The following RAB27A variants were observed in gnomAD, a reference collection of about 807,000 sequenced individuals.
The protein encoded by RAB27A is RAB27A, member RAS oncogene family.
A neutral mutation model predicts 20.8 loss-of-function variants in RAB27A; 17 were observed. That is an observed-to-expected ratio of 0.82 (90% CI 0.56 to 1.23). The LOEUF is 1.23. Among genes scored for constraint, RAB27A ranks in the 50% most tolerant of loss-of-function variants. The pLI, the probability that RAB27A is intolerant of heterozygous loss-of-function variation, is 0.00. For synonymous variants in RAB27A, 85 were observed against 92.8 expected (o/e 0.92, Z 0.48); for missense variants, 277 against 266.7 (o/e 1.04, Z -0.27).
chr15:55,306,513 C>T (rs1438579750), intron 2 of RAB27A, among the ~76,000 whole-genome samples: 2 of 152,134 alleles, frequency 1.3e-5, no homozygotes, highest in African/African-American at 2.4e-5. Context: ...TTTTCTCTTG[C>T]CTGATCTTGA....
chr15:55,305,322 G>A (rs2141144169), intron 2 of RAB27A, among the ~76,000 whole-genome samples: 1 of 152,324 alleles, frequency 6.6e-6, no homozygotes, highest in East Asian at 1.9e-4. Context: ...GATTTCCTCG[G>A]GAGAGGTGAC....
intron 2 of RAB27A, among the ~76,000 whole-genome samples, chr15:55,237,683 G>A (rs1896314924): frequency 6.6e-6 from 1 of 152,148 alleles, no homozygotes; most frequent in African/African-American, 2.4e-5. Context: ...AGCAAGTCCA[G>A]ATAATGTTGA....
chr15:55,258,831 T>C (rs910886303), intron 2 of RAB27A, among the ~76,000 whole-genome samples: 2 of 152,214 alleles, frequency 1.3e-5, no homozygotes, highest in East Asian at 3.8e-4. Context: ...TTCTATTGGG[T>C]TCTTTTTCTT....
At chr15:55,257,419 A>G (rs2141055580) in intron 2 of RAB27A, among the ~76,000 whole-genome samples, 1 of 152,332 alleles carries the variant, frequency 6.6e-6, no homozygotes, top group East Asian at 1.9e-4. Flanking sequence ...TTCAGGATGA[A>G]CAAGACCAAG....
intron 2 of RAB27A, among the ~76,000 whole-genome samples, chr15:55,307,867 G>C (rs951949957): frequency 6.6e-6 from 1 of 151,460 alleles, no homozygotes; most frequent in Non-Finnish European, 1.5e-5. Context: ...GAAAAGGCCT[G>C]GTCCAGTAAA....
In RAB27A at chr15:55,205,018, T is replaced by G. The variant is rs1894574470; in HGVS notation, c.*489A>C. On this transcript the variant is annotated 3_prime_UTR_variant, in exon 7 of 7. Transcript: ENST00000336787. ...CAAAGACATTGAGCTGATGTGCATG[T>G]ATATTCTTATTTAACATTTAAGTGG... The G allele has an allele frequency of 9.9e-6, 2 of 201,186 alleles. No individual in the cohort carries two copies. The highest frequency in any genetic ancestry group is 1.7e-4 in the South Asian group (2 of 12,118). The allele number at this position is 201,186 out of a possible 1,614,324, so 12.5% of individuals were successfully genotyped here. A position where few individuals can be genotyped will look rare whatever the true frequency, so the allele number is the denominator to read the frequency against.
At chr15:55,269,289 C>T (rs146054653) in intron 2 of RAB27A, among the ~76,000 whole-genome samples, 1 of 152,164 alleles carries the variant, frequency 6.6e-6, no homozygotes, top group Non-Finnish European at 1.5e-5. Context: ...ATCTTTCACT[C>T]CGGCATACTT....
chr15:55,253,904 C>A, intron 2 of RAB27A, among the ~76,000 whole-genome samples: 1 of 152,264 alleles, frequency 6.6e-6, no homozygotes, highest in Non-Finnish European at 1.5e-5. Flanking sequence ...TAAGTATCCA[C>A]GTGTTTATAA....
chr15:55,209,902 A>G lies in RAB27A; in HGVS notation c.468-4197T>C, dbSNP rs552682860. ...TGTGTGTGTATACATATATACACAT[A>G]TGTGTGTGTATGTATATACACACAT... On this transcript the variant is annotated intron_variant, in intron 6 of 6. Coordinates refer to ENST00000336787, the MANE Select transcript of RAB27A (RefSeq NM_183235.3). Among the ~76,000 whole-genome samples the G allele has an allele frequency of 2.2e-4, 26 of 119,712 alleles. 2 individuals are homozygous for G. Among genetic ancestry groups the G allele is most frequent in the Admixed American group, 4.4e-4 (6 of 13,754 alleles). 78.5% of individuals were successfully genotyped at this position (119,712 alleles called of 152,430 possible).
At chr15:55,309,791 C>T (rs1340492285) in intron 2 of RAB27A, among the ~76,000 whole-genome samples, 2 of 152,110 alleles carry the variant, frequency 1.3e-5, no homozygotes, top group East Asian at 3.9e-4. Context: ...CACTAACCTC[C>T]ACTGTCCATT....
At chr15:55,274,510 G>A (rs1319509312) in intron 1 of RAB27A, among the ~76,000 whole-genome samples, 3 of 123,200 alleles carry the variant, frequency 2.4e-5, no homozygotes, top group Admixed American at 8.2e-5. Flanking sequence ...GGGTGCGGTG[G>A]TTCATGCCTG....
At chr15:55,313,304 G>A (rs2055029048) in intron 2 of RAB27A, among the ~76,000 whole-genome samples, 1 of 152,116 alleles carries the variant, frequency 6.6e-6, no homozygotes, top group Non-Finnish European at 1.5e-5. Context: ...TATAGTCGAT[G>A]AGACGAGCGG....
At chr15:55,251,982 C>G (rs4307894) in intron 2 of RAB27A, among the ~76,000 whole-genome samples, 8,485 of 152,120 alleles carry the variant, frequency 0.056, 824 homozygotes, top group African/African-American at 0.2. Context: ...GTCAAGGCAG[C>G]ACAAAATCAA....
At chr15:55,307,544 A>G (rs2055002890) in intron 2 of RAB27A, among the ~76,000 whole-genome samples, 1 of 151,942 alleles carries the variant, frequency 6.6e-6, no homozygotes, top group South Asian at 2.1e-4. Context: ...GTGGCCTTGA[A>G]AGCAGGACCA....
intron 2 of RAB27A, among the ~76,000 whole-genome samples, chr15:55,264,478 A>G (rs1464434594): frequency 6.6e-6 from 1 of 152,226 alleles, no homozygotes; most frequent in African/African-American, 2.4e-5. Context: ...GCTGTTTTAG[A>G]GAAAAATAAA....
chr15:55,218,127 A>C (rs1895400689), intron 6 of RAB27A, among the ~76,000 whole-genome samples: 1 of 152,226 alleles, frequency 6.6e-6, no homozygotes, highest in Non-Finnish European at 1.5e-5. Context: ...GGTTCTGTCA[A>C]ATGGCTGTAG....
chr15:55,264,458 G>T (rs1358425690), intron 2 of RAB27A, among the ~76,000 whole-genome samples: 2 of 152,144 alleles, frequency 1.3e-5, no homozygotes, highest in African/African-American at 4.8e-5. Context: ...TTTTTTAACA[G>T]AAATTTTAAG....
intron 5 of RAB27A, among the ~76,000 whole-genome samples, chr15:55,225,698 T>C (rs1210792085): frequency 6.6e-6 from 1 of 152,260 alleles, no homozygotes; most frequent in Non-Finnish European, 1.5e-5. Flanking sequence ...GTGTGATTAT[T>C]GGTGATTTCT....
intron 2 of RAB27A, among the ~76,000 whole-genome samples, chr15:55,306,013 A>C (rs1220878957): frequency 6.6e-6 from 1 of 151,138 alleles, no homozygotes; most frequent in Non-Finnish European, 1.5e-5. Flanking sequence ...GGGCACTAAG[A>C]ATGACAGGAA....
Sources: gnomAD v4.1 joint callset for allele counts (sites outside exome capture counted in the v4.1 genomes callset) on GRCh38, gnomAD v4.1.1 for gene constraint, MANE v1.5 for transcripts, NCBI Gene and HGNC (gene_info 2026-07-23, HGNC 2026-07-21) for gene names.